POLA2: variants seen among roughly 807,000 people sequenced by gnomAD.
The protein encoded by POLA2 is DNA polymerase alpha 2, accessory subunit.
POLA2 carries 47 observed loss-of-function variants against 82.8 expected under a neutral mutation model. The observed-to-expected ratio is 0.57, with a 90% CI of 0.45 to 0.72. The LOEUF is 0.72. Among genes scored for constraint, POLA2 ranks in the 30% least tolerant of loss-of-function variants. The probability of loss-of-function intolerance (pLI) is 0.00; values close to 1 mark genes in which losing one functional copy is unlikely to be tolerated. For synonymous variants in POLA2, 287 were observed against 286.8 expected, an observed-to-expected ratio of 1.00 and a Z score of -0.01; for missense variants, 634 against 728.1, an observed-to-expected ratio of 0.87 and a Z score of 1.49.
At chr11:65,290,821 C>G (rs75473175) in intron 13 of POLA2, among the ~76,000 whole-genome samples, 293 of 152,300 alleles carry the variant, frequency 1.9e-3, no homozygotes, top group African/African-American at 6.9e-3. Flanking sequence ...TGTGAGACCC[C>G]AAACATCTTG....
Position 65,281,729 on chromosome 11 carries a change from C to T in POLA2, c.960C>T (p.Tyr320=), listed in dbSNP as rs776503066. ...GGAAACTTGTTGCCACCAAACTCTA[C>T]GAGGTACACAGCAGTACCCCCACTT... ...TGRKLVATKL[Y]EGVPLPFYQP... The change falls in exon 9 of 18, where the codon TAC becomes TAT. Residue 320 remains tyrosine (Y), a synonymous_variant. Coordinates refer to ENST00000265465, the MANE Select transcript of POLA2 (RefSeq NM_002689.4). 13 of 1,612,480 alleles carry T rather than the reference C, an allele frequency of 8.1e-6. No individual in the cohort carries two copies. Among genetic ancestry groups the T allele is most frequent in the Middle Eastern group, 1.7e-4 (1 of 6,058 alleles).
chr11:65,287,780 T>C lies in POLA2; in HGVS notation c.1071T>C (p.Tyr357=), dbSNP rs773597576. ...GPYTTSDSIT[Y]DPLLDLIAVI... ...ACACCACATCTGACAGCATCACGTA[T>C]GACCCCCTGCTTGACCTGATTGCTG... The change falls in exon 11 of 18, where the codon TAT becomes TAC. Residue 357 remains tyrosine (Y), a synonymous_variant. Transcript: ENST00000265465. 1 of 1,613,944 alleles carries C rather than the reference T, an allele frequency of 6.2e-7. No homozygotes were observed. Among genetic ancestry groups the C allele is most frequent in the Admixed American group, 1.7e-5 (1 of 59,990 alleles).
In POLA2 at chr11:65,295,989, A is replaced by G; in HGVS notation, c.1646A>G (p.Lys549Arg). 1.2e-6 allele frequency: 2 copies of G among 1,614,136 alleles called. No individual in the cohort carries two copies. The change falls in exon 17 of 18, where the codon AAG becomes AGG. Residue 549 changes from lysine to arginine, a missense_variant and splice_region_variant. Coordinates refer to ENST00000265465, the MANE Select transcript of POLA2 (RefSeq NM_002689.4). The part of the protein sequence containing the change: ...IIPSELRYFV[K>R]DVLGCVCVNP... ...CCGTCAGAGCTGAGGTACTTCGTGA[A>G]GGTAGGTTTGAACTCTGCTTTTTCC...
intron 5 of POLA2, among the ~76,000 whole-genome samples, chr11:65,278,154 T>C (rs888194137): frequency 6.6e-6 from 1 of 152,198 alleles, no homozygotes; most frequent in Non-Finnish European, 1.5e-5. Flanking sequence ...TGTGAGAACT[T>C]GGCAGTTGAG....
rs1949823088 is a variant in POLA2, at chr11:65,297,350, T to A, written c.*81T>A. The stretch of plus-strand genomic sequence containing the variant: ...GCCAAGACATAGCCCTGTGACAAGG[T>A]GAACAGTTGGGTGGGAAAGGAGAGA... On this transcript the variant is annotated 3_prime_UTR_variant, in exon 18 of 18. Coordinates refer to ENST00000265465, the MANE Select transcript of POLA2 (RefSeq NM_002689.4). 1 of 1,452,744 alleles carries A rather than the reference T, an allele frequency of 6.9e-7. No homozygotes were observed. Among genetic ancestry groups the A allele is most frequent in the African/African-American group, 1.4e-5 (1 of 69,178 alleles). 90.0% of individuals were successfully genotyped at this position (1,452,744 alleles called of 1,614,324 possible). A position where few individuals can be genotyped will look rare whatever the true frequency, so the allele number is the denominator to read the frequency against.
At chr11:65,283,180 CT>C (rs1949659477) in intron 10 of POLA2, among the ~76,000 whole-genome samples, 1 of 152,172 alleles carries the variant, frequency 6.6e-6, no homozygotes, top group Non-Finnish European at 1.5e-5. Context: ...ATGTGGCATC[CT>C]GGATTGGATC....
rs1170404025 is a variant in POLA2 at position 65,281,108 on chromosome 11, T to C, written c.861T>C (p.Asp287=). ...EHSSGAQIPV[D]LSELKEYSLF... ...CCTCGGGTGCTCAAATTCCAGTGGA[T>C]TTATCTGAGCTTAAGGAATATTCTC... Residue 287 remains aspartate (D), a synonymous_variant, in exon 8 of 18, where the codon GAT becomes GAC. Coordinates refer to ENST00000265465, the MANE Select transcript of POLA2 (RefSeq NM_002689.4). The C allele has an allele frequency of 6.2e-7, 1 of 1,614,090 alleles. No homozygotes were observed. Among genetic ancestry groups the C allele is most frequent in the Non-Finnish European group, 8.5e-7 (1 of 1,179,994 alleles).
Position 65,279,550 on chromosome 11 carries a change from A to G in POLA2, c.668A>G (p.Lys223Arg). 6.2e-7 allele frequency: 1 copy of G among 1,612,120 alleles called. No homozygotes were observed. Among genetic ancestry groups the G allele is most frequent in the Non-Finnish European group, 8.5e-7 (1 of 1,178,518 alleles). ...TCTGGGATTGTAGTTCTGACCTGTA[A>G]GATAGAAGAACTTGGCAGCGAACTC... is the stretch of plus-strand genomic sequence containing the variant. ...LPDIREVLTC[K>R]IEELGSELKE... The change falls in exon 7 of 18, where the codon AAG becomes AGG. Residue 223 changes from lysine (K) to arginine (R), a missense_variant. Transcript: ENST00000265465.
intron 4 of POLA2, among the ~76,000 whole-genome samples, chr11:65,272,611 A>G (rs1324687522): frequency 6.6e-6 from 1 of 152,238 alleles, no homozygotes; most frequent in Admixed American, 6.5e-5. Flanking sequence ...TAGTAAATTA[A>G]TAAACTGGCA....
At chr11:65,281,950 T>TG (rs1949646570) in intron 9 of POLA2, among the ~76,000 whole-genome samples, 1 of 152,238 alleles carries the variant, frequency 6.6e-6, no homozygotes, top group African/African-American at 2.4e-5. Flanking sequence ...ATATGGTCTC[T>TG]GTCACAATGA....
rs980808370 is a variant in POLA2 at position 65,291,404 on chromosome 11, A to C, written c.1244+1532A>C. On this transcript the variant is annotated intron_variant, in intron 13 of 17. Transcript: ENST00000265465. ...TGGAATAAAGAACATCCCCCAACTC[A>C]CCCCAGAATCAGAGACTTGGGTTGT... Among the ~76,000 whole-genome samples, 107 of 152,080 alleles carry C rather than the reference A, an allele frequency of 7.0e-4. 2 individuals are homozygous for C. The highest frequency in any genetic ancestry group is 2.6e-3 in the Admixed American group (39 of 15,270).
chr11:65,298,827 G>A (rs1468761928), downstream of POLA2: 2 of 152,212 alleles, frequency 1.3e-5, no homozygotes, highest in Non-Finnish European at 2.9e-5. Context: ...GTTCCACGGG[G>A]GCACCATGAC....
downstream of POLA2, among the ~76,000 whole-genome samples, chr11:65,302,115 C>T (rs1428806212): frequency 6.6e-6 from 1 of 152,198 alleles, no homozygotes; most frequent in African/African-American, 2.4e-5. Flanking sequence ...ACCTTGCTGA[C>T]CCTGGCCCCT....
At chr11:65,288,035 G>A (rs113068000) in intron 11 of POLA2, among the ~76,000 whole-genome samples, 195 bp downstream of exon 11, 3,314 of 152,244 alleles carry the variant, frequency 0.022, 130 homozygotes, top group African/African-American at 0.075. Context: ...GCCGGGCGCA[G>A]TGGCTCACGC....
intron 10 of POLA2, 97 bp from the exon 11 acceptor site, chr11:65,287,619 G>A: frequency 8.9e-7 from 1 of 1,119,722 alleles, no homozygotes; most frequent in African/African-American, 1.6e-5. Flanking sequence ...AGGACTCAAT[G>A]AGTTAAATCC....
At chr11:65,277,443 A>G (rs904955722) in intron 5 of POLA2, among the ~76,000 whole-genome samples, 17 of 151,988 alleles carry the variant, frequency 1.1e-4, no homozygotes, top group African/African-American at 4.1e-4. Context: ...CTCCCAAAGT[A>G]CTGGGATTAC....
chr11:65,278,095 A>C (rs957382037), intron 5 of POLA2, among the ~76,000 whole-genome samples: 1 of 152,218 alleles, frequency 6.6e-6, no homozygotes, highest in African/African-American at 2.4e-5. Flanking sequence ...GCAGATCAGC[A>C]ATATCCATGT....
At chr11:65,269,995 C>G (rs1949505623) in intron 4 of POLA2, among the ~76,000 whole-genome samples, 1 of 152,150 alleles carries the variant, frequency 6.6e-6, no homozygotes, top group Non-Finnish European at 1.5e-5. Flanking sequence ...CTACGGCCAG[C>G]TAATTTTTGT....
intron 4 of POLA2, among the ~76,000 whole-genome samples, chr11:65,272,036 A>G (rs1949527150): frequency 1.3e-5 from 2 of 150,922 alleles, no homozygotes; most frequent in South Asian, 4.2e-4. Context: ...GTGGCCAGGC[A>G]TGGTGGCTCA....
Sources: allele counts gnomAD v4.1 joint callset (sites outside exome capture counted in the v4.1 genomes callset), GRCh38; gene constraint gnomAD v4.1.1; transcripts MANE v1.5; gene names NCBI Gene and HGNC (gene_info 2026-07-23, HGNC 2026-07-21).